The following BTRC variants were observed in gnomAD, a reference collection of about 807,000 sequenced individuals.
BTRC encodes the protein beta-transducin repeat containing E3 ubiquitin protein ligase.
In BTRC, 42 loss-of-function variants were observed where a neutral mutation model predicts 85.5. The ratio of observed to expected loss-of-function variants is 0.49; its 90% CI spans 0.38 to 0.64. The LOEUF is 0.64. Among genes scored for constraint, BTRC ranks in the 30% least tolerant of loss-of-function variants. The pLI is 0.00. For missense variants in BTRC, 594 were observed against 743.5 expected, an observed-to-expected ratio of 0.80 and a Z score of 2.34; for synonymous variants, 255 against 263.3, an observed-to-expected ratio of 0.97 and a Z score of 0.30.
chr10:101,552,224 T>C (rs2062662458), intron 14 of BTRC, among the ~76,000 whole-genome samples: 1 of 152,034 alleles, frequency 6.6e-6, no homozygotes. Flanking sequence ...GCTTCACTCC[T>C]GTCACCCAAG....
At chr10:101,479,341 C>T in intron 3 of BTRC, 27 bp from the exon 4 acceptor site, 1 of 1,570,978 alleles carries the variant, frequency 6.4e-7, no homozygotes, top group South Asian at 1.1e-5. Flanking sequence ...ATTTTAAAAA[C>T]CTGTTTCCAA....
At chr10:101,382,281 C>T (rs1942956254) in intron 1 of BTRC, among the ~76,000 whole-genome samples, 1 of 151,846 alleles carries the variant, frequency 6.6e-6, no homozygotes, top group South Asian at 2.1e-4. Flanking sequence ...CCGCGTCCGG[C>T]CCCTAAGAAT....
intron 1 of BTRC, among the ~76,000 whole-genome samples, chr10:101,410,391 C>T (rs964850246): frequency 2.6e-5 from 4 of 151,992 alleles, no homozygotes; most frequent in African/African-American, 9.7e-5. Flanking sequence ...CCAAGGTGGG[C>T]GGATCATGAG....
chr10:101,427,000 T>A (rs1050346840), intron 1 of BTRC, among the ~76,000 whole-genome samples: 1 of 152,150 alleles, frequency 6.6e-6, no homozygotes, highest in Non-Finnish European at 1.5e-5. Context: ...TGACTTCTCT[T>A]TTTTCTCAGA....
chr10:101,489,895 A>G (rs1255150918), intron 4 of BTRC, among the ~76,000 whole-genome samples: 3 of 152,200 alleles, frequency 2.0e-5, no homozygotes, highest in African/African-American at 7.2e-5. Context: ...TGAATGGCCA[A>G]GAAACTCCCT....
rs536964788 is a variant in BTRC at position 101,371,407 on chromosome 10, T to C, written c.48+17179T>C. ...GGCCAGGCTGGTCTTGAACTCCTGA[T>C]CTCAGGTGATCCGCCCGCCTCGGCC... On this transcript the variant is annotated intron_variant, in intron 1 of 14. Coordinates refer to ENST00000370187, the MANE Select transcript of BTRC (RefSeq NM_033637.4). 1.1e-4 allele frequency among the ~76,000 whole-genome samples: 16 copies of C among 152,166 alleles called. No homozygotes were observed. In the South Asian group the frequency reaches 3.3e-3, roughly 32 times the overall value.
At chr10:101,493,595 CAA>C (rs1946188353) in intron 4 of BTRC, among the ~76,000 whole-genome samples, 1 of 152,190 alleles carries the variant, frequency 6.6e-6, no homozygotes, top group Non-Finnish European at 1.5e-5. Flanking sequence ...TGAATGTTAA[CAA>C]TTTACTAACA....
At chr10:101,522,339 T>C (rs1301190727) in intron 5 of BTRC, among the ~76,000 whole-genome samples, 1 of 104,944 alleles carries the variant, frequency 9.5e-6, no homozygotes, top group African/African-American at 3.7e-5. Flanking sequence ...CACGCCCAGC[T>C]GGTATAAAGC....
intron 3 of BTRC, among the ~76,000 whole-genome samples, chr10:101,475,285 A>T: frequency 6.6e-6 from 1 of 152,370 alleles, no homozygotes; most frequent in South Asian, 2.1e-4. Context: ...CACGCCTGCA[A>T]TCCCAGCACT....
rs1216843436 is a variant in BTRC, at chr10:101,417,294, C to G, written c.49-13051C>G. Among the ~76,000 whole-genome samples the G allele has an allele frequency of 2.6e-5, 4 of 152,328 alleles. No individual in the cohort carries two copies. In the East Asian group the frequency reaches 7.7e-4, roughly 29 times the overall value. ...AGTCATACCTCTTTAGTCTCGTTTACTCTGGAACAGTTCTTCAGTCTTTCC... is the reference window on the plus strand; with the variant it reads ...AGTCATACCTCTTTAGTCTCGTTTAGTCTGGAACAGTTCTTCAGTCTTTCC... On this transcript the variant is annotated intron_variant, in intron 1 of 14. Transcript: ENST00000370187.
intron 5 of BTRC, among the ~76,000 whole-genome samples, chr10:101,522,907 T>C (rs1589593384): frequency 6.6e-6 from 1 of 152,326 alleles, no homozygotes; most frequent in East Asian, 1.9e-4. Context: ...CAACAGAATA[T>C]TTAAATTCTA....
At chr10:101,407,293 A>G (rs1943653028) in intron 1 of BTRC, among the ~76,000 whole-genome samples, 1 of 152,170 alleles carries the variant, frequency 6.6e-6, no homozygotes, top group South Asian at 2.1e-4. Flanking sequence ...GGTTCTAGGG[A>G]GCTGTGATCA....
chr10:101,483,793 T>C (rs529406713), intron 4 of BTRC, among the ~76,000 whole-genome samples: 1 of 152,338 alleles, frequency 6.6e-6, no homozygotes, highest in South Asian at 2.1e-4. Flanking sequence ...CATTATTAAC[T>C]GTCAACTTAG....
chr10:101,526,637 G>A (rs1445478345), intron 6 of BTRC, among the ~76,000 whole-genome samples: 3 of 152,166 alleles, frequency 2.0e-5, no homozygotes, highest in African/African-American at 4.8e-5. Context: ...AAATTTAGCC[G>A]AGTATGGTGG....
Position 101,436,367 on chromosome 10 carries a change from G to A in BTRC, c.156+5915G>A, listed in dbSNP as rs573066381. Among the ~76,000 whole-genome samples the A allele has an allele frequency of 9.2e-5, 14 of 152,232 alleles. No individual in the cohort carries two copies. In the South Asian group the frequency reaches 2.7e-3, roughly 29 times the overall value. ...ACTGTAAGAATATAAGTAAGGGGCCGGGCACGGTGATGCACGCTTATAATC... is the reference window on the plus strand; with the variant it reads ...ACTGTAAGAATATAAGTAAGGGGCCAGGCACGGTGATGCACGCTTATAATC... On this transcript the variant is annotated intron_variant, in intron 2 of 14. Transcript: ENST00000370187.
chr10:101,522,832 C>G (rs1205264830), intron 5 of BTRC, among the ~76,000 whole-genome samples: 1 of 152,110 alleles, frequency 6.6e-6, no homozygotes, highest in African/African-American at 2.4e-5. Context: ...TAAGATGTGT[C>G]TTTTATAATA....
chr10:101,418,212 C>CA, intron 1 of BTRC, among the ~76,000 whole-genome samples: 1 of 151,832 alleles, frequency 6.6e-6, no homozygotes, highest in Non-Finnish European at 1.5e-5. Flanking sequence ...ACTAAAAATA[C>CA]AAAAAATTAG....
chr10:101,462,080 A>G (rs751251822), intron 3 of BTRC, 22 bp downstream of exon 3: 2 of 1,559,808 alleles, frequency 1.3e-6, no homozygotes, highest in African/African-American at 1.5e-5. Context: ...AGCCTTACTT[A>G]AAATAAAAAG....
chr10:101,434,384 T>C (rs968344753), intron 2 of BTRC, among the ~76,000 whole-genome samples: 1 of 152,194 alleles, frequency 6.6e-6, no homozygotes, highest in Admixed American at 6.5e-5. Flanking sequence ...TGGATATCCT[T>C]GTGCAAAACA....
Sources: gnomAD v4.1 joint callset for allele counts (sites outside exome capture counted in the v4.1 genomes callset) on GRCh38, gnomAD v4.1.1 for gene constraint, MANE v1.5 for transcripts, NCBI Gene and HGNC (gene_info 2026-07-23, HGNC 2026-07-21) for gene names.